Variants in PCED1B observed in about 807,000 individuals in gnomAD.
The protein encoded by PCED1B is PC-esterase domain containing 1B.
For synonymous variants in PCED1B, 251 were observed against 246.1 expected (o/e 1.02, Z -0.19); for missense variants, 573 against 573.9 (o/e 1.00, Z 0.02).
chr12:47,097,531 A>C (rs139884674), intron 1 of PCED1B, among the ~76,000 whole-genome samples: 104 of 152,326 alleles, frequency 6.8e-4, no homozygotes, highest in African/African-American at 2.4e-3. Flanking sequence ...CTTAGTTTTC[A>C]GAGCCAGAAA....
chr12:47,144,070 A>G lies in PCED1B; in HGVS notation c.-526+39875A>G, dbSNP rs142128338. 1.8e-4 allele frequency among the ~76,000 whole-genome samples: 27 copies of G among 152,268 alleles called. 1 individual carries two copies. In the East Asian group the frequency reaches 5.0e-3, roughly 28 times the overall value. Reference sequence around the variant, plus strand: ...ATCCTTTGAAATCTAGGTGAAAGAAACCATGCCCCCACAGCTCTTGCATTT... The same window carrying G: ...ATCCTTTGAAATCTAGGTGAAAGAAGCCATGCCCCCACAGCTCTTGCATTT... On this transcript the variant is annotated intron_variant, in intron 2 of 3. Coordinates refer to ENST00000546455, the MANE Select transcript of PCED1B (RefSeq NM_138371.3).
At chr12:47,192,249 T>C (rs1023883887) in intron 2 of PCED1B, among the ~76,000 whole-genome samples, 1 of 151,358 alleles carries the variant, frequency 6.6e-6, no homozygotes, top group East Asian at 1.9e-4. Context: ...TGCATGTTGA[T>C]TATAAGTAAA....
intron 2 of PCED1B, among the ~76,000 whole-genome samples, chr12:47,109,282 A>T (rs1031566228): frequency 3.9e-5 from 6 of 152,190 alleles, no homozygotes; most frequent in Non-Finnish European, 5.9e-5. Context: ...CTCTCTGTAA[A>T]TGGAGGCAGG....
At chr12:47,203,668 A>G (rs1042316899) in intron 2 of PCED1B, among the ~76,000 whole-genome samples, 3 of 152,180 alleles carry the variant, frequency 2.0e-5, no homozygotes, top group African/African-American at 7.2e-5. Flanking sequence ...GCTGCATAGT[A>G]TTCTGCAGTG....
chr12:47,235,927 A>ACCT lies in PCED1B; in HGVS notation c.866_868dup (p.Pro289dup). 1 of 1,610,482 alleles carries ACCT rather than the reference A, an allele frequency of 6.2e-7. No individual in the cohort carries two copies. The highest frequency in any genetic ancestry group is 8.5e-7 in the Non-Finnish European group (1 of 1,178,676). On this transcript the variant is annotated inframe_insertion, in exon 4 of 4. Coordinates refer to ENST00000546455, the MANE Select transcript of PCED1B (RefSeq NM_138371.3). ...AGGCCAACAGAAATCACCCGGCCTT[A>ACCT]CCTCTGTCCCCACCCTTACCTTCCC...
chr12:47,157,118 C>T (rs1292435449), intron 2 of PCED1B, among the ~76,000 whole-genome samples: 1 of 152,114 alleles, frequency 6.6e-6, no homozygotes, highest in Non-Finnish European at 1.5e-5. Context: ...AGCATTTCCT[C>T]ATTGTCTAAC....
intron 3 of PCED1B, among the ~76,000 whole-genome samples, chr12:47,227,760 C>T (rs1012264443): frequency 1.3e-5 from 2 of 151,720 alleles, no homozygotes; most frequent in South Asian, 2.1e-4. Context: ...GACCAAGGCA[C>T]GACAATTGCT....
At chr12:47,178,865 T>TC (rs1174319162) in intron 2 of PCED1B, among the ~76,000 whole-genome samples, 1 of 68,786 alleles carries the variant, frequency 1.5e-5, no homozygotes, top group African/African-American at 5.5e-5. Flanking sequence ...AGACTCCATC[T>TC]CAAAAAAAAA....
At chr12:47,116,479 A>G (rs1477970146) in intron 2 of PCED1B, among the ~76,000 whole-genome samples, 1 of 152,214 alleles carries the variant, frequency 6.6e-6, no homozygotes, top group African/African-American at 2.4e-5. Flanking sequence ...TCTAGTCACA[A>G]AATTGAACAT....
intron 2 of PCED1B, among the ~76,000 whole-genome samples, chr12:47,169,897 CTTTTTTT>C (rs35457537): frequency 4.7e-4 from 47 of 100,520 alleles, no homozygotes; most frequent in African/African-American, 1.6e-3. Context: ...TATTACTCAT[CTTTTTTT>C]TTTTTTTTTT....
chr12:47,226,851 G>A (rs187893034), intron 3 of PCED1B, among the ~76,000 whole-genome samples: 29 of 152,162 alleles, frequency 1.9e-4, no homozygotes, highest in Admixed American at 1.7e-3. Flanking sequence ...GGCCATTTTC[G>A]AATCCTTTTT....
At chr12:47,160,281 CTTTTTCTTTTTCTTTT>C (rs1941328029) in intron 2 of PCED1B, among the ~76,000 whole-genome samples, 1 of 119,204 alleles carries the variant, frequency 8.4e-6, no homozygotes, top group Non-Finnish European at 1.7e-5. Flanking sequence ...CTTTCTTTTT[CTTTTTCTTTTTCTTTT>C]TTTTTTTTTT....
At chr12:47,208,223 C>A (rs1266459840) in intron 2 of PCED1B, among the ~76,000 whole-genome samples, 4 of 146,892 alleles carry the variant, frequency 2.7e-5, no homozygotes, top group African/African-American at 9.7e-5. Context: ...GTGCTGTAAA[C>A]TTAGCCATTT....
chr12:47,147,374 C>T (rs1325650285), intron 2 of PCED1B, among the ~76,000 whole-genome samples: 1 of 152,096 alleles, frequency 6.6e-6, no homozygotes, highest in Non-Finnish European at 1.5e-5. Context: ...CAATTCGGCC[C>T]TATTCTTTGC....
intron 2 of PCED1B, among the ~76,000 whole-genome samples, chr12:47,156,414 A>G (rs957698782): frequency 3.3e-5 from 5 of 152,174 alleles, no homozygotes; most frequent in African/African-American, 1.2e-4. Context: ...TTTGCACGAT[A>G]CTATTGGATG....
chr12:47,147,863 G>A (rs1940849524), intron 2 of PCED1B, among the ~76,000 whole-genome samples: 1 of 152,186 alleles, frequency 6.6e-6, no homozygotes, highest in South Asian at 2.1e-4. Flanking sequence ...CTTACAGCCT[G>A]TACTCATTAT....
chr12:47,204,468 C>T, intron 2 of PCED1B, among the ~76,000 whole-genome samples: 1 of 152,200 alleles, frequency 6.6e-6, no homozygotes, highest in East Asian at 1.9e-4. Flanking sequence ...AGGTCCTTCA[C>T]TTCCTGATAC....
At chr12:47,190,927 C>T (rs993987775) in intron 2 of PCED1B, among the ~76,000 whole-genome samples, 5 of 152,138 alleles carry the variant, frequency 3.3e-5, no homozygotes, top group African/African-American at 4.8e-5. Flanking sequence ...CTCAGCCAAT[C>T]GAACTTCTGG....
At chr12:47,097,459 T>G (rs1037733475) in intron 1 of PCED1B, among the ~76,000 whole-genome samples, 2 of 152,212 alleles carry the variant, frequency 1.3e-5, no homozygotes, top group East Asian at 3.9e-4. Context: ...AAGGCAGGGC[T>G]GATAATATTT....
Sources: allele counts gnomAD v4.1 joint callset (sites outside exome capture counted in the v4.1 genomes callset), GRCh38; gene constraint gnomAD v4.1.1; transcripts MANE v1.5; gene names NCBI Gene and HGNC (gene_info 2026-07-23, HGNC 2026-07-21).